Variants in ZC3H12B observed in about 807,000 individuals in gnomAD.
The protein encoded by ZC3H12B is zinc finger CCCH-type containing 12B, also known as probable ribonuclease ZC3H12B.
A neutral mutation model predicts 43.9 loss-of-function variants in ZC3H12B; 7 were observed. That is an observed-to-expected ratio of 0.16 (90% confidence interval 0.09 to 0.30). The LOEUF (loss-of-function observed/expected upper bound fraction) is 0.30. ZC3H12B is among the 10% of genes least tolerant of loss of function. The pLI, the probability that ZC3H12B is intolerant of heterozygous loss-of-function variation, is 1.00. For synonymous variants in ZC3H12B, 222 were observed against 241.7 expected (o/e 0.92, Z 0.76); for missense variants, 475 against 670.2 (o/e 0.71, Z 3.22).
the ZC3H12B span, among the ~76,000 whole-genome samples, chrX:65,281,412 G>T: frequency 9.1e-6 from 1 of 110,114 alleles, no homozygotes; most frequent in Admixed American, 9.7e-5. Context: ...TTTTAGACAG[G>T]GTTACGTCAT....
the ZC3H12B span, among the ~76,000 whole-genome samples, chrX:65,224,801 AG>A: frequency 2.7e-5 from 3 of 111,913 alleles, no homozygotes; most frequent in African/African-American, 9.7e-5. Context: ...TCAAACTACA[AG>A]GTGGCAGCGA....
At chrX:65,165,393 A>T in the ZC3H12B span, among the ~76,000 whole-genome samples, 7 of 112,112 alleles carry the variant, frequency 6.2e-5, no homozygotes, top group East Asian at 2.0e-3. Context: ...TAAGCCCTGC[A>T]TGCATTAGGT....
At chrX:65,260,972 G>A in the ZC3H12B span, among the ~76,000 whole-genome samples, 1 of 111,878 alleles carries the variant, frequency 8.9e-6, no homozygotes, top group African/African-American at 3.2e-5. Flanking sequence ...CCATAGCACA[G>A]TGCCTGTTAT....
intron 2 of ZC3H12B, among the ~76,000 whole-genome samples, chrX:65,389,248 G>T (rs920561925): frequency 2.7e-5 from 3 of 112,468 alleles, no homozygotes; most frequent in South Asian, 3.7e-4. Flanking sequence ...AGTCTACAGA[G>T]TCAGGCAGGC....
chrX:65,121,730 A>C, the ZC3H12B span, among the ~76,000 whole-genome samples: 1 of 110,177 alleles, frequency 9.1e-6, no homozygotes, highest in Non-Finnish European at 1.9e-5. Context: ...TAGTTCTTTT[A>C]ATTGTGATGT....
the ZC3H12B span, among the ~76,000 whole-genome samples, chrX:65,129,554 G>A: frequency 9.1e-6 from 1 of 110,140 alleles, no homozygotes; most frequent in East Asian, 2.9e-4. Context: ...AATTTCACAA[G>A]GTAATGTCGT....
At chrX:65,212,661 T>A in the ZC3H12B span, among the ~76,000 whole-genome samples, 1 of 89,592 alleles carries the variant, frequency 1.1e-5, no homozygotes, top group Non-Finnish European at 2.1e-5. Flanking sequence ...ATATATTATA[T>A]ATAAATATAT....
At chrX:65,454,240 G>A (rs1368766848) in intron 3 of ZC3H12B, among the ~76,000 whole-genome samples, 1 of 112,194 alleles carries the variant, frequency 8.9e-6, no homozygotes, top group African/African-American at 3.2e-5. Context: ...CCTTTCCTAG[G>A]GGTGACAGAC....
the ZC3H12B span, among the ~76,000 whole-genome samples, chrX:65,182,056 G>A: frequency 8.9e-6 from 1 of 111,855 alleles, no homozygotes; most frequent in Non-Finnish European, 1.9e-5. Flanking sequence ...TGTAAACCAT[G>A]GAATACTGTG....
At chrX:65,212,309 ATAAT>A in the ZC3H12B span, among the ~76,000 whole-genome samples, 5 of 14,323 alleles carry the variant, frequency 3.5e-4, no homozygotes, top group African/African-American at 9.9e-4. Context: ...AATATATAAT[ATAAT>A]TATTATATTT....
the ZC3H12B span, among the ~76,000 whole-genome samples, chrX:65,359,199 G>A: frequency 9.0e-6 from 1 of 111,364 alleles, no homozygotes; most frequent in Admixed American, 9.6e-5. Context: ...TATTGAAAAT[G>A]CATCTAGTCA....
chrX:65,090,291 G>A, the ZC3H12B span, among the ~76,000 whole-genome samples: 1 of 111,101 alleles, frequency 9.0e-6, no homozygotes, highest in African/African-American at 3.3e-5. Flanking sequence ...TTGTGTATGT[G>A]GTCCATCATT....
the ZC3H12B span, among the ~76,000 whole-genome samples, chrX:65,238,339 C>T: frequency 9.0e-6 from 1 of 111,285 alleles, no homozygotes; most frequent in Non-Finnish European, 1.9e-5. Flanking sequence ...TGTATGTGTC[C>T]AGAAATTTAT....
chrX:65,321,662 A>G, the ZC3H12B span, among the ~76,000 whole-genome samples: 38 of 110,007 alleles, frequency 3.5e-4, no homozygotes, highest in Non-Finnish European at 5.9e-4. Flanking sequence ...ATGCTCATCA[A>G]TGGTAGACTG....
the ZC3H12B span, among the ~76,000 whole-genome samples, chrX:65,238,536 G>A: frequency 2.7e-5 from 3 of 110,429 alleles, no homozygotes; most frequent in African/African-American, 6.6e-5. Context: ...TCAAAATACA[G>A]CACTGGGATT....
At chrX:65,198,575 C>T in the ZC3H12B span, among the ~76,000 whole-genome samples, 1 of 111,399 alleles carries the variant, frequency 9.0e-6, no homozygotes, top group Admixed American at 9.6e-5. Flanking sequence ...TGTCTCCTGG[C>T]CTTTAAGGTT....
chrX:65,500,027 G>A (rs370607716), intron 4 of ZC3H12B, 38 bp downstream of exon 9: 44 of 1,004,265 alleles, frequency 4.4e-5, no homozygotes, highest in South Asian at 2.8e-4. Flanking sequence ...CTGTACCACC[G>A]GAAACATAAG....
At chrX:65,313,558 C>T in the ZC3H12B span, among the ~76,000 whole-genome samples, 7 of 111,958 alleles carry the variant, frequency 6.3e-5, no homozygotes, top group African/African-American at 1.9e-4. Context: ...ATCTATGATT[C>T]GCACTTACAA....
chrX:65,443,212 G>A (rs1004972181), intron 3 of ZC3H12B, among the ~76,000 whole-genome samples: 1 of 111,285 alleles, frequency 9.0e-6, no homozygotes, highest in African/African-American at 3.3e-5. Context: ...ACACTTCCGA[G>A]CTCCCCTTCT....
Sources: allele counts gnomAD v4.1 joint callset (sites outside exome capture counted in the v4.1 genomes callset), GRCh38; gene constraint gnomAD v4.1.1; transcripts MANE v1.5; gene names NCBI Gene and HGNC (gene_info 2026-07-23, HGNC 2026-07-21).